The following SLC47A2 variants were observed in gnomAD, a reference collection of about 807,000 sequenced individuals.
SLC47A2 encodes the protein solute carrier family 47 member 2.
Under a neutral mutation model 67.7 loss-of-function variants are expected in SLC47A2, and 52 were observed. The observed-to-expected ratio is 0.77, with a 90% confidence interval of 0.61 to 0.97. SLC47A2 has a LOEUF of 0.97. Ranked by LOEUF, SLC47A2 falls within the 50% of genes least tolerant of loss-of-function variation. The pLI, the probability that SLC47A2 is intolerant of heterozygous loss-of-function variation, is 0.00. For synonymous variants in SLC47A2, 278 were observed against 292.9 expected (o/e 0.95, Z 0.52); for missense variants, 676 against 712.3 (o/e 0.95, Z 0.58).
At chr17:19,711,664 A>C (rs184027323) in intron 5 of SLC47A2, among the ~76,000 whole-genome samples, 1 of 151,760 alleles carries the variant, frequency 6.6e-6, no homozygotes, top group East Asian at 1.9e-4. Context: ...ATTGGAAGAA[A>C]TCTTTTAATA....
chr17:19,702,733 T>A, intron 12 of SLC47A2, 59 bp from the exon 13 acceptor site: 1 of 1,554,238 alleles, frequency 6.4e-7, no homozygotes, highest in Non-Finnish European at 8.8e-7. Flanking sequence ...CCCATTTATA[T>A]CCCTTCTATT....
chr17:19,699,286 A>G (rs1326651102), intron 13 of SLC47A2, among the ~76,000 whole-genome samples: 1 of 152,238 alleles, frequency 6.6e-6, no homozygotes, highest in Non-Finnish European at 1.5e-5. Flanking sequence ...TTAAAACCAC[A>G]GACATAAAAG....
intron 13 of SLC47A2, chr17:19,702,081 C>G (rs2152349188): frequency 1.0e-6 from 1 of 972,994 alleles, no homozygotes; most frequent in Admixed American, 6.2e-5. Flanking sequence ...TGCACTCCAG[C>G]CTGGGTGACA....
At chr17:19,686,706 T>C (rs2085437652) in intron 13 of SLC47A2, among the ~76,000 whole-genome samples, 1 of 152,180 alleles carries the variant, frequency 6.6e-6, no homozygotes, top group South Asian at 2.1e-4. Context: ...GACAAGGTCA[T>C]TGTATAACGA....
chr17:19,699,151 C>T (rs1022973952), intron 13 of SLC47A2, among the ~76,000 whole-genome samples: 1 of 151,394 alleles, frequency 6.6e-6, no homozygotes, highest in African/African-American at 2.4e-5. Flanking sequence ...ATACAGTCAA[C>T]TGATTTTGAC....
chr17:19,679,226 C>T (rs769750035), intron 16 of SLC47A2, among the ~76,000 whole-genome samples: 1 of 152,220 alleles, frequency 6.6e-6, no homozygotes, highest in Non-Finnish European at 1.5e-5. Flanking sequence ...CACAATTAAT[C>T]ATGTCTTACC....
At chr17:19,695,481 T>TAAAAAAAAAAAAAAAAAA (rs78650311) in intron 13 of SLC47A2, among the ~76,000 whole-genome samples, 1 of 74,642 alleles carries the variant, frequency 1.3e-5, no homozygotes, top group African/African-American at 5.8e-5. Flanking sequence ...AGACCTGTCT[T>TAAAAAAAAAAAAAAAAAA]AAAAAAAAAA....
chr17:19,681,225 AC>A, intron 15 of SLC47A2, 141 bp downstream of exon 15: 2 of 677,368 alleles, frequency 3.0e-6, no homozygotes, highest in South Asian at 3.9e-5. Context: ...AAACAAACAA[AC>A]AAAAAAAAAA....
At chr17:19,712,207 G>A (rs1008485494) in intron 5 of SLC47A2, among the ~76,000 whole-genome samples, 1 of 152,134 alleles carries the variant, frequency 6.6e-6, no homozygotes, top group African/African-American at 2.4e-5. Context: ...CCAACATGGT[G>A]AAACTCCATC....
intron 13 of SLC47A2, among the ~76,000 whole-genome samples, chr17:19,690,835 T>G (rs1003130580): frequency 6.6e-6 from 1 of 151,908 alleles, no homozygotes; most frequent in Non-Finnish European, 1.5e-5. Context: ...GGAACCCCCC[T>G]TGGCCGGGCA....
chr17:19,696,776 A>T (rs937168227), intron 13 of SLC47A2, among the ~76,000 whole-genome samples: 4 of 152,228 alleles, frequency 2.6e-5, no homozygotes, highest in African/African-American at 7.2e-5. Context: ...GCTATAACAT[A>T]ATACCCTAGA....
chr17:19,700,057 A>C (rs529173951), intron 13 of SLC47A2, among the ~76,000 whole-genome samples: 16 of 152,182 alleles, frequency 1.1e-4, no homozygotes, highest in Non-Finnish European at 2.2e-4. Context: ...CTTATATGAA[A>C]TTGTTCATAC....
chr17:19,707,568 G>A (rs148420462), intron 8 of SLC47A2, among the ~76,000 whole-genome samples, 178 bp downstream of exon 8: 182 of 152,296 alleles, frequency 1.2e-3, no homozygotes, highest in African/African-American at 4.2e-3. Flanking sequence ...ACCTTGGGTG[G>A]AGGGACTCTG....
At position 19,679,945 on chromosome 17, in the gene SLC47A2, G is replaced by A; in HGVS notation, c.1480+7C>T. On this transcript the variant is annotated splice_region_variant and intron_variant, in intron 16 of 16. Coordinates refer to ENST00000433844, the MANE Select transcript of SLC47A2 (RefSeq NM_001099646.3). ...TACCAAAGTAGAAGCAGCGGTGACAGTATTACCTGAAGATAGGACTGCTTT... is the reference window on the plus strand; with the variant it reads ...TACCAAAGTAGAAGCAGCGGTGACAATATTACCTGAAGATAGGACTGCTTT... The A allele has an allele frequency of 6.2e-7, 1 of 1,612,848 alleles. No individual in the cohort carries two copies. Among genetic ancestry groups the A allele is most frequent in the Non-Finnish European group, 8.5e-7 (1 of 1,179,420 alleles).
intron 13 of SLC47A2, among the ~76,000 whole-genome samples, chr17:19,684,372 C>A (rs2085375258): frequency 6.6e-6 from 1 of 152,084 alleles, no homozygotes; most frequent in Non-Finnish European, 1.5e-5. Context: ...AAAAATATTT[C>A]AAACTTGAAA....
intron 10 of SLC47A2, chr17:19,705,009 T>C (rs2085892664): frequency 6.0e-6 from 2 of 335,352 alleles, no homozygotes; most frequent in Non-Finnish European, 5.4e-6. Context: ...ATATTTTTAG[T>C]AGAGATGGGG....
rs760298590 is a variant in SLC47A2, at chr17:19,678,848, G to A, written c.1539C>T (p.His513=). ...CCTCTGGAGTCCTGAAGAAGTCCAC[G>A]TGGCACTCAGACCTTGAATACGTTG... is the stretch of plus-strand genomic sequence containing the variant. The part of the protein sequence containing the change: ...TLTTYSRSEC[H]VDFFRTPEEA... Residue 513 remains histidine, a synonymous_variant, in exon 17 of 17, where the codon CAC becomes CAT. Coordinates refer to ENST00000433844, the MANE Select transcript of SLC47A2 (RefSeq NM_001099646.3). The A allele has an allele frequency of 2.0e-5, 33 of 1,610,738 alleles. No individual in the cohort carries two copies. Among genetic ancestry groups the A allele is most frequent in the Admixed American group, 1.2e-4 (7 of 59,462 alleles).
intron 4 of SLC47A2, 84 bp downstream of exon 4, chr17:19,713,741 G>C (rs952639146): frequency 6.5e-7 from 1 of 1,538,710 alleles, no homozygotes; most frequent in South Asian, 1.2e-5. Flanking sequence ...AGCATGGGGT[G>C]TGAGGGCTGG....
rs2085243389 is a variant in SLC47A2, at chr17:19,678,728, C to T, written c.1659G>A (p.Leu553=). ...GAALGAASAT[L]MVGLTVRILA... is the part of the protein sequence containing the mutation. ...GGATCCTGACCGTGAGCCCCACCATCAGTGTGGCTGACGCCGCCCCCAGAG... is the reference window on the plus strand; with the variant it reads ...GGATCCTGACCGTGAGCCCCACCATTAGTGTGGCTGACGCCGCCCCCAGAG... Residue 553 remains leucine, a synonymous_variant, in exon 17 of 17, where the codon CTG becomes CTA. Coordinates refer to ENST00000433844, the MANE Select transcript of SLC47A2 (RefSeq NM_001099646.3). The T allele has an allele frequency of 6.2e-7, 1 of 1,613,682 alleles. No individual in the cohort carries two copies. The highest frequency in any genetic ancestry group is 8.5e-7 in the Non-Finnish European group (1 of 1,180,038).
Sources: gnomAD v4.1 joint callset for allele counts (sites outside exome capture counted in the v4.1 genomes callset) on GRCh38, gnomAD v4.1.1 for gene constraint, MANE v1.5 for transcripts, NCBI Gene and HGNC (gene_info 2026-07-23, HGNC 2026-07-21) for gene names.